Variants in TUSC3 observed in about 807,000 individuals in gnomAD.
TUSC3 encodes the protein dolichyl-diphosphooligosaccharide--protein glycosyltransferase subunit TUSC3.
TUSC3 carries 45 observed loss-of-function variants against 44.8 expected under a neutral mutation model. The observed-to-expected ratio is 1.00, with a 90% confidence interval of 0.79 to 1.29. The LOEUF is 1.29. Among genes scored for constraint, TUSC3 ranks in the 50% most tolerant of loss-of-function variants. The probability of loss-of-function intolerance (pLI) is 0.00; values close to 1 mark genes in which losing one functional copy is unlikely to be tolerated. For missense variants in TUSC3, 519 were observed against 437.9 expected (o/e 1.19, Z -1.65); for synonymous variants, 212 against 152.9 (o/e 1.39, Z -2.85).
At chr8:15,657,178 T>TG (rs1302055459) in intron 3 of TUSC3, among the ~76,000 whole-genome samples, 2 of 152,220 alleles carry the variant, frequency 1.3e-5, no homozygotes, top group African/African-American at 4.8e-5. Flanking sequence ...GCCACATTCT[T>TG]CATATTCTCT....
At chr8:15,753,323 A>G (rs1037826632) in intron 9 of TUSC3, among the ~76,000 whole-genome samples, 3 of 152,056 alleles carry the variant, frequency 2.0e-5, no homozygotes, top group Non-Finnish European at 1.5e-5. Flanking sequence ...GTTTTCCTAC[A>G]TTCTATGGAT....
chr8:15,688,433 T>TTG (rs1446008941), intron 6 of TUSC3, among the ~76,000 whole-genome samples: 1 of 96,302 alleles, frequency 1.0e-5, no homozygotes, highest in Non-Finnish European at 3.0e-5. Context: ...CAGTATTCTT[T>TTG]TTTTTTTTTT....
At chr8:15,543,197 C>A (rs895937724) in intron 1 of TUSC3, among the ~76,000 whole-genome samples, 15 of 152,058 alleles carry the variant, frequency 9.9e-5, no homozygotes, top group African/African-American at 1.9e-4. Context: ...CACAATGGAA[C>A]CTGGAAGTGT....
chr8:15,641,361 C>CAA (rs34446791), intron 2 of TUSC3, among the ~76,000 whole-genome samples: 5,164 of 98,918 alleles, frequency 0.052, 299 homozygotes, highest in African/African-American at 0.14. Flanking sequence ...GACTCCGTCT[C>CAA]AAAAAAAAAA....
chr8:15,452,828 T>G (rs1245089264), intron 1 of TUSC3, among the ~76,000 whole-genome samples: 1 of 152,172 alleles, frequency 6.6e-6, no homozygotes, highest in East Asian at 1.9e-4. Flanking sequence ...AGCTTTTGTT[T>G]CCTTACAGTA....
chr8:15,742,558 G>C (rs539112794), intron 7 of TUSC3, among the ~76,000 whole-genome samples: 1 of 152,180 alleles, frequency 6.6e-6, no homozygotes, highest in East Asian at 1.9e-4. Flanking sequence ...CCACTTGCTG[G>C]TATATTGCCC....
At chr8:15,458,324 G>A (rs1053315280) in intron 1 of TUSC3, among the ~76,000 whole-genome samples, 2 of 151,902 alleles carry the variant, frequency 1.3e-5, no homozygotes, top group African/African-American at 4.8e-5. Context: ...CTGCACCCTC[G>A]ACCTCTCAGG....
At chr8:15,431,082 G>A (rs756167947) in intron 1 of TUSC3, among the ~76,000 whole-genome samples, 2 of 151,824 alleles carry the variant, frequency 1.3e-5, no homozygotes, top group South Asian at 2.1e-4. Context: ...TTTAATTACT[G>A]TGGCTTTGTA....
chr8:15,616,961 AGCCTGATCAGAG>A (rs1421773897), intron 1 of TUSC3, among the ~76,000 whole-genome samples: 1 of 152,164 alleles, frequency 6.6e-6, no homozygotes, highest in Non-Finnish European at 1.5e-5. Context: ...AGCCCAGCAA[AGCCTGATCAGAG>A]GCGCTGCTTG....
At chr8:15,698,093 A>G (rs1178724731) in intron 6 of TUSC3, among the ~76,000 whole-genome samples, 1 of 152,114 alleles carries the variant, frequency 6.6e-6, no homozygotes, top group African/African-American at 2.4e-5. Context: ...ATACTCTTTT[A>G]TTTTATCCCT....
the TUSC3 span, among the ~76,000 whole-genome samples, chr8:15,780,217 A>C: frequency 6.6e-6 from 1 of 152,168 alleles, no homozygotes; most frequent in African/African-American, 2.4e-5. Flanking sequence ...GGCAACTAAG[A>C]ATATCAACCT....
At chr8:15,704,027 A>G (rs1039716056) in intron 6 of TUSC3, among the ~76,000 whole-genome samples, 3 of 152,148 alleles carry the variant, frequency 2.0e-5, no homozygotes, top group African/African-American at 7.2e-5. Flanking sequence ...GCCAGGGGAC[A>G]CAGACAGTGA....
At chr8:15,509,432 C>T (rs758251073) in intron 2 of TUSC3, among the ~76,000 whole-genome samples, 2 of 152,078 alleles carry the variant, frequency 1.3e-5, no homozygotes, top group African/African-American at 4.8e-5. Context: ...AACATGGTGA[C>T]ATCCCATCTC....
chr8:15,641,339 G>A (rs1306699682), intron 2 of TUSC3, among the ~76,000 whole-genome samples: 3 of 130,936 alleles, frequency 2.3e-5, no homozygotes, highest in Non-Finnish European at 4.6e-5. Flanking sequence ...CCGGCCTGGC[G>A]ACAGAGAGAG....
chr8:15,523,395 C>T (rs78236660), intron 2 of TUSC3, among the ~76,000 whole-genome samples: 1 of 151,816 alleles, frequency 6.6e-6, no homozygotes, highest in Non-Finnish European at 1.5e-5. Context: ...TTGCAGTATC[C>T]TTTGTGTTTT....
At chr8:15,760,173 G>C (rs915224400) in intron 10 of TUSC3, among the ~76,000 whole-genome samples, 1 of 152,030 alleles carries the variant, frequency 6.6e-6, no homozygotes, top group Non-Finnish European at 1.5e-5. Flanking sequence ...CAAAGAGGAA[G>C]GCAAAGTTAA....
At chr8:15,697,949 C>T (rs896130748) in intron 6 of TUSC3, among the ~76,000 whole-genome samples, 8 of 152,126 alleles carry the variant, frequency 5.3e-5, no homozygotes, top group Middle Eastern at 6.3e-3. Context: ...AGTTTAATAT[C>T]TTTGAAAAGT....
intron 1 of TUSC3, among the ~76,000 whole-genome samples, chr8:15,548,529 C>T (rs367616801): frequency 1.3e-5 from 2 of 151,672 alleles, no homozygotes; most frequent in Non-Finnish European, 2.9e-5. Context: ...CTTATTACCT[C>T]GAAAGTACAC....
chr8:15,749,965 A>G (rs988141229), intron 9 of TUSC3, among the ~76,000 whole-genome samples: 1 of 149,714 alleles, frequency 6.7e-6, no homozygotes, highest in South Asian at 2.1e-4. Flanking sequence ...TAAACTATAC[A>G]GTAAGTGATA....
Sources: allele counts gnomAD v4.1 joint callset (sites outside exome capture counted in the v4.1 genomes callset), GRCh38; gene constraint gnomAD v4.1.1; transcripts MANE v1.5; gene names NCBI Gene and HGNC (gene_info 2026-07-23, HGNC 2026-07-21).